The following IL17REL variants were observed in gnomAD, a reference collection of about 807,000 sequenced individuals.
IL17REL encodes the protein interleukin 17 receptor E like.
Under a neutral mutation model 49.0 loss-of-function variants are expected in IL17REL, and 36 were observed. That is an observed-to-expected ratio of 0.73 (90% CI 0.56 to 0.97). The LOEUF (loss-of-function observed/expected upper bound fraction) is 0.97, where lower values mean the gene tolerates loss of function less well. Among genes scored for constraint, IL17REL ranks in the 50% least tolerant of loss-of-function variants. The pLI is 0.00. For missense variants in IL17REL, 470 were observed against 453.9 expected (o/e 1.04, Z -0.32); for synonymous variants, 206 against 192.4 (o/e 1.07, Z -0.58).
At chr22:50,011,714 T>A (rs544578177), upstream of IL17REL, among the ~76,000 whole-genome samples, 11 of 152,254 alleles carry the variant, frequency 7.2e-5, no homozygotes, top group African/African-American at 2.6e-4. Context: ...GTTCCACGAA[T>A]GCCCTGTGGA....
chr22:50,001,325 TG>T (rs2061079074), intron 1 of IL17REL, 94 bp from the exon 3 acceptor site: 1 of 562,808 alleles, frequency 1.8e-6, no homozygotes, highest in Non-Finnish European at 3.1e-6. Flanking sequence ...GCCCTGGGGC[TG>T]CAGTCTTTGC....
In IL17REL at chr22:49,998,384, A is replaced by T. The variant is rs2061050671; in HGVS notation, c.602-75T>A. On this transcript the variant is annotated intron_variant, in intron 7 of 12. Coordinates refer to ENST00000341280, the Ensembl canonical transcript of IL17REL. Reference sequence around the variant, plus strand: ...GCCAGGCCCATGGGGTCTAGCACCCACTCAAGTGACCACTGGGCCAGGGTC... The same window carrying T: ...GCCAGGCCCATGGGGTCTAGCACCCTCTCAAGTGACCACTGGGCCAGGGTC... The T allele has an allele frequency of 3.5e-6, 5 of 1,416,800 alleles. No homozygotes were observed. The African/African-American group carries it at 7.4e-5, about 21-fold the overall frequency. The allele number at this position is 1,416,800 out of a possible 1,614,324, so 87.8% of individuals were successfully genotyped here. A position where few individuals can be genotyped will look rare whatever the true frequency, so the allele number is the denominator to read the frequency against.
At chr22:49,999,877 C>T in exon 5 of IL17REL, 4 of 1,545,004 alleles carry the variant, frequency 2.6e-6, no homozygotes, top group Non-Finnish European at 3.5e-6. Context: ...GAGGCAGAGC[C>T]GCAGGTAGTA....
upstream of IL17REL, among the ~76,000 whole-genome samples, chr22:50,010,326 G>A (rs962255884): frequency 6.6e-6 from 1 of 152,244 alleles, no homozygotes; most frequent in South Asian, 2.1e-4. Context: ...AAAGGGGCCG[G>A]GCTCACCCGG....
chr22:50,009,129 G>T (rs2061125100), upstream of IL17REL: 2 of 152,084 alleles, frequency 1.3e-5, no homozygotes, highest in South Asian at 4.2e-4. Context: ...GGATAGTGTG[G>T]GGGGTGCAGG....
intron 1 of IL17REL, among the ~76,000 whole-genome samples, chr22:50,002,859 T>G (rs1196717880): frequency 1.3e-5 from 2 of 152,206 alleles, no homozygotes; most frequent in Non-Finnish European, 1.5e-5. Flanking sequence ...TGATTTATCC[T>G]CCTGCCTGAG....
At chr22:49,997,617 C>A (rs1420808175) in intron 10 of IL17REL, 68 bp downstream of exon 12, 15 of 1,525,500 alleles carry the variant, frequency 9.8e-6, no homozygotes, top group Non-Finnish European at 1.4e-5. Context: ...CCTCCCTGAC[C>A]AGCACAGAGT....
exon 13 of IL17REL, chr22:49,996,509 G>A (rs1053091861): frequency 6.5e-6 from 1 of 154,100 alleles, no homozygotes; most frequent in African/African-American, 2.4e-5. Flanking sequence ...TGGAACCAGA[G>A]CTCTGATCAG....
intron 1 of IL17REL, among the ~76,000 whole-genome samples, chr22:50,002,898 G>A (rs980377435): frequency 4.6e-5 from 7 of 152,214 alleles, no homozygotes; most frequent in African/African-American, 1.7e-4. Flanking sequence ...CAAAATCCAT[G>A]AGCAATGGTT....
exon 3 of IL17REL, chr22:50,000,788 G>T (rs1275395271): frequency 6.3e-7 from 1 of 1,599,386 alleles, no homozygotes. Context: ...GGAGGCCCTG[G>T]CCACCCACAC....
rs776522388 is a variant in IL17REL at position 50,001,133 on chromosome 22, AG to A, written c.57del (p.Ser20LeufsTer28). 1 of 1,606,812 alleles carries A rather than the reference AG, an allele frequency of 6.2e-7. No individual in the cohort carries two copies. Among genetic ancestry groups the A allele is most frequent in the African/African-American group, 1.3e-5 (1 of 74,956 alleles). ...CGCAGGAGCATCGCGCAGCCGTCAG[AG>A]GGGACACACTGCATGGCAGTGGAGG... On this transcript the variant is annotated frameshift_variant, in exon 2 of 13. Transcript: ENST00000341280. LOFTEE classifies it high-confidence loss of function.
downstream of IL17REL, among the ~76,000 whole-genome samples, chr22:49,993,618 A>G (rs1467837085): frequency 6.6e-6 from 1 of 152,136 alleles, no homozygotes; most frequent in African/African-American, 2.4e-5. The surrounding 1 kb of genome is among the most constrained non-coding windows in gnomAD (Gnocchi z 6.0). Context: ...GACAGCTGAG[A>G]TCTGAACACA....
chr22:49,998,137 T>C (rs1183681121), exon 8 of IL17REL: 1 of 1,604,116 alleles, frequency 6.2e-7, no homozygotes, highest in Non-Finnish European at 8.5e-7. Flanking sequence ...AGGCACTCAC[T>C]CTGCGATGCA....
chr22:50,001,233 T>C lies in IL17REL; in HGVS notation c.-41-2A>G. 7.5e-7 allele frequency: 1 copy of C among 1,327,142 alleles called. No individual in the cohort carries two copies. The highest frequency in any genetic ancestry group is 1.1e-6 in the Non-Finnish European group (1 of 942,582). 82.2% of individuals were successfully genotyped at this position (1,327,142 alleles called of 1,614,324 possible). The stretch of plus-strand genomic sequence containing the variant: ...GGCAGAAGCTGTTAAAAATGTTCCC[T>C]GGGGAGGGAGAAGGAGCGTGAGGCC... On this transcript the variant is annotated splice_acceptor_variant, in intron 1 of 12. Transcript: ENST00000341280. LOFTEE classifies it low-confidence loss of function (5UTR_SPLICE).
chr22:49,992,598 CTATTT>C (rs1455353994), downstream of IL17REL, among the ~76,000 whole-genome samples: 1 of 152,078 alleles, frequency 6.6e-6, no homozygotes, highest in African/African-American at 2.4e-5. Context: ...TGGCCCCACC[CTATTT>C]TATTTCATTT....
At chr22:49,996,882 G>T in intron 12 of IL17REL, 22 bp from the exon 15 acceptor site, 1 of 619,376 alleles carries the variant, frequency 1.6e-6, no homozygotes, top group East Asian at 2.9e-5. Context: ...AGGCAGCTCC[G>T]TCAACATGGC....
chr22:49,997,741 A>G, exon 10 of IL17REL: 1 of 1,613,856 alleles, frequency 6.2e-7, no homozygotes, highest in South Asian at 1.1e-5. Flanking sequence ...ACTGGTAGAG[A>G]ACTGCAAAGT....
At chr22:49,998,142 G>C in exon 8 of IL17REL, 1 of 1,605,710 alleles carries the variant, frequency 6.2e-7, no homozygotes. Flanking sequence ...CTCACTCTGC[G>C]ATGCACCAGC....
At chr22:49,998,002 G>T in intron 9 of IL17REL, 23 bp downstream of exon 11, 1 of 1,595,008 alleles carries the variant, frequency 6.3e-7, no homozygotes. Flanking sequence ...ATAGGGCACT[G>T]GCAGGCTGTG....
Sources: allele counts gnomAD v4.1 joint callset (sites outside exome capture counted in the v4.1 genomes callset), GRCh38; gene constraint gnomAD v4.1.1; non-coding constraint Gnocchi (gnomAD v3.1); transcripts MANE v1.5; gene names NCBI Gene and HGNC (gene_info 2026-07-23, HGNC 2026-07-21).